Variants in CACNA2D1 observed in about 807,000 individuals in gnomAD.
CACNA2D1 encodes the protein voltage-dependent calcium channel subunit alpha-2/delta-1.
A neutral mutation model predicts 171.5 loss-of-function variants in CACNA2D1; 53 were observed. That is an observed-to-expected ratio of 0.31 (90% CI 0.25 to 0.39). The LOEUF is 0.39. Among genes scored for constraint, CACNA2D1 ranks in the 10% least tolerant of loss-of-function variants. The probability of loss-of-function intolerance (pLI) is 1.00; values close to 1 mark genes in which losing one functional copy is unlikely to be tolerated. For synonymous variants in CACNA2D1, 442 were observed against 443.1 expected (o/e 1.00, Z 0.03); for missense variants, 903 against 1,299.8 (o/e 0.69, Z 4.69).
chr7:82,238,246 G>T (rs1326435525), intron 3 of CACNA2D1, among the ~76,000 whole-genome samples: 1 of 151,922 alleles, frequency 6.6e-6, no homozygotes, highest in East Asian at 1.9e-4. Context: ...ACTAGCGAGG[G>T]GATTTATGCT....
At chr7:82,379,951 TC>T (rs1456210320) in intron 1 of CACNA2D1, among the ~76,000 whole-genome samples, 40 of 152,270 alleles carry the variant, frequency 2.6e-4, no homozygotes, top group African/African-American at 7.9e-4. Flanking sequence ...TATTGGACTA[TC>T]CATAGGCTTT....
intron 12 of CACNA2D1, among the ~76,000 whole-genome samples, chr7:82,024,990 AAAGGTCTAAATGTCTGTCTTTAT>A (rs1801699697): frequency 6.6e-6 from 1 of 151,580 alleles, no homozygotes; most frequent in Non-Finnish European, 1.5e-5. Context: ...ATTCTGTTCC[AAAGGTCTAAATGTCTGTCTTTAT>A]GCTAGTGCCC....
At chr7:82,064,465 A>T in intron 8 of CACNA2D1, 111 bp from the exon 9 acceptor site, 2 of 706,738 alleles carry the variant, frequency 2.8e-6, no homozygotes, top group Non-Finnish European at 5.1e-6. Flanking sequence ...CCAAGCAAAG[A>T]CCCACTTCTA....
intron 4 of CACNA2D1, among the ~76,000 whole-genome samples, chr7:82,169,798 C>T (rs1480910132): frequency 1.3e-5 from 2 of 151,800 alleles, no homozygotes; most frequent in African/African-American, 4.8e-5. Flanking sequence ...TTTTCTTTCA[C>T]TACAACTGTA....
rs921843897 is a variant in CACNA2D1 at position 82,040,589 on chromosome 7, G to A, written c.880-2354C>T. On this transcript the variant is annotated intron_variant, in intron 10 of 38. Coordinates refer to ENST00000356860, the MANE Select transcript of CACNA2D1 (RefSeq NM_000722.4). ...TAAGAGCAAGTTTCCATGGAAACAG[G>A]AGAGAAATCAGGAGATTGGACTGTT... 9.2e-5 allele frequency among the ~76,000 whole-genome samples: 14 copies of A among 152,220 alleles called. No homozygotes were observed. The South Asian group carries it at 1.0e-3, about 11-fold the overall frequency.
intron 4 of CACNA2D1, among the ~76,000 whole-genome samples, chr7:82,140,384 C>T (rs1251007248): frequency 6.6e-6 from 1 of 152,108 alleles, no homozygotes; most frequent in East Asian, 1.9e-4. Context: ...GATAAATATG[C>T]TTTTCTTTCC....
At chr7:82,244,768 A>G (rs761743921) in intron 3 of CACNA2D1, among the ~76,000 whole-genome samples, 1 of 152,170 alleles carries the variant, frequency 6.6e-6, no homozygotes, top group Non-Finnish European at 1.5e-5. Context: ...TCCTTGATAC[A>G]GTGTCCTCTA....
intron 1 of CACNA2D1, among the ~76,000 whole-genome samples, chr7:82,382,821 A>G (rs1466782599): frequency 6.6e-6 from 1 of 152,198 alleles, no homozygotes. Context: ...CATAAAATCT[A>G]TTATATAACT....
chr7:81,992,378 A>G (rs1797636014), intron 20 of CACNA2D1, among the ~76,000 whole-genome samples: 1 of 152,142 alleles, frequency 6.6e-6, no homozygotes, highest in Non-Finnish European at 1.5e-5. Context: ...ATATAATGCC[A>G]AATTCATGTT....
intron 10 of CACNA2D1, among the ~76,000 whole-genome samples, chr7:82,050,126 T>A (rs1369314663): frequency 6.6e-6 from 1 of 152,206 alleles, no homozygotes; most frequent in Non-Finnish European, 1.5e-5. Context: ...ATCTGAAATT[T>A]AAAGCACATA....
chr7:82,284,914 T>C (rs897468032), intron 3 of CACNA2D1, among the ~76,000 whole-genome samples: 1 of 150,280 alleles, frequency 6.7e-6, no homozygotes, highest in Non-Finnish European at 1.5e-5. Flanking sequence ...TACGCATCCA[T>C]TTTTTTTTTA....
intron 1 of CACNA2D1, among the ~76,000 whole-genome samples, chr7:82,413,937 A>C (rs1585876596): frequency 6.6e-6 from 1 of 152,318 alleles, no homozygotes; most frequent in Admixed American, 6.5e-5. Flanking sequence ...AAGTTTAACT[A>C]ATGAAGTACT....
intron 38 of CACNA2D1, among the ~76,000 whole-genome samples, chr7:81,956,066 C>T: frequency 7.1e-6 from 1 of 140,914 alleles, no homozygotes; most frequent in Non-Finnish European, 1.5e-5. Flanking sequence ...CAGCTTACTG[C>T]AACTTCCACC....
intron 3 of CACNA2D1, among the ~76,000 whole-genome samples, chr7:82,257,187 C>T (rs1187770203): frequency 6.6e-6 from 1 of 152,134 alleles, no homozygotes; most frequent in Non-Finnish European, 1.5e-5. Context: ...AGTTCATTTT[C>T]CTCTCCTTTT....
intron 3 of CACNA2D1, among the ~76,000 whole-genome samples, chr7:82,183,502 A>G (rs902681219): frequency 2.0e-5 from 3 of 152,164 alleles, no homozygotes; most frequent in African/African-American, 7.2e-5. Flanking sequence ...AGAAACCATA[A>G]AACACATACT....
intron 21 of CACNA2D1, among the ~76,000 whole-genome samples, chr7:81,990,406 A>G (rs1228000186): frequency 2.0e-5 from 3 of 152,156 alleles, no homozygotes; most frequent in Admixed American, 1.3e-4. Flanking sequence ...AAAACAGTGA[A>G]CTATGTGAAT....
intron 12 of CACNA2D1, chr7:82,027,888 T>C (rs1278419874): frequency 6.6e-6 from 1 of 151,824 alleles, no homozygotes; most frequent in African/African-American, 2.4e-5. Context: ...TCATGAGGTG[T>C]AAGGAAAAAA....
intron 3 of CACNA2D1, among the ~76,000 whole-genome samples, chr7:82,226,158 T>C (rs529502603): frequency 1.6e-4 from 25 of 152,204 alleles, no homozygotes; most frequent in Non-Finnish European, 3.2e-4. Context: ...AACCATCTTA[T>C]TTATGGCAAA....
intron 12 of CACNA2D1, among the ~76,000 whole-genome samples, chr7:82,019,940 A>C (rs902635380): frequency 6.6e-6 from 1 of 152,184 alleles, no homozygotes; most frequent in Non-Finnish European, 1.5e-5. Flanking sequence ...TGAAAATACT[A>C]GATTGGATGG....
Sources: gnomAD v4.1 joint callset for allele counts (sites outside exome capture counted in the v4.1 genomes callset) on GRCh38, gnomAD v4.1.1 for gene constraint, MANE v1.5 for transcripts, NCBI Gene and HGNC (gene_info 2026-07-23, HGNC 2026-07-21) for gene names.